The following KIAA1549 variants were observed in gnomAD, a reference collection of about 807,000 sequenced individuals.
KIAA1549 encodes the protein UPF0606 protein KIAA1549.
Under a neutral mutation model 156.4 loss-of-function variants are expected in KIAA1549, and 70 were observed. That is an observed-to-expected ratio of 0.45 (90% confidence interval 0.37 to 0.55). KIAA1549 has a LOEUF of 0.55. Ranked by LOEUF, KIAA1549 falls within the 20% of genes least tolerant of loss-of-function variation. KIAA1549 has a pLI of 0.00. For missense variants in KIAA1549, 2,428 were observed against 2,540.9 expected (o/e 0.96, Z 0.96); for synonymous variants, 1,103 against 1,066.4 (o/e 1.03, Z -0.67).
In KIAA1549 at chr7:138,846,543, A is replaced by G. The variant is rs1358300588; in HGVS notation, c.5295-2069T>C. 3.3e-5 allele frequency among the ~76,000 whole-genome samples: 5 copies of G among 151,320 alleles called. No homozygotes were observed. In the South Asian group the frequency reaches 8.3e-4, roughly 25 times the overall value. Reference sequence around the variant, plus strand: ...AGCAAGACTCCATCTCAAAAAAAAAAAAAAAAAAAAAAAAGACGACGACTA... The same window carrying G: ...AGCAAGACTCCATCTCAAAAAAAAAGAAAAAAAAAAAAAAGACGACGACTA... On this transcript the variant is annotated intron_variant, in intron 17 of 19. Coordinates refer to ENST00000422774, the MANE Select transcript of KIAA1549 (RefSeq NM_001164665.2).
intron 15 of KIAA1549, 118 bp from the exon 16 acceptor site, chr7:138,861,574 T>G (rs1219795963): frequency 3.6e-6 from 3 of 844,248 alleles, no homozygotes; most frequent in Non-Finnish European, 5.7e-6. Flanking sequence ...CAGTTGAGGC[T>G]GTGCACAGTG....
At chr7:138,965,501 A>G (rs962472634) in intron 1 of KIAA1549, among the ~76,000 whole-genome samples, 3 of 152,174 alleles carry the variant, frequency 2.0e-5, no homozygotes, top group Admixed American at 1.3e-4. Context: ...ACGTTTTCTT[A>G]TAACATTGAA....
At chr7:138,945,111 T>C (rs1311922546) in intron 1 of KIAA1549, among the ~76,000 whole-genome samples, 1 of 152,244 alleles carries the variant, frequency 6.6e-6, no homozygotes, top group African/African-American at 2.4e-5. Context: ...GAAGCTGTTA[T>C]TTTTCTAAAG....
At chr7:138,840,768 T>C (rs977139097) in intron 18 of KIAA1549, among the ~76,000 whole-genome samples, 13 of 152,088 alleles carry the variant, frequency 8.5e-5, no homozygotes, top group African/African-American at 2.9e-4. Flanking sequence ...CGGGCTCCTC[T>C]CCTGAAACAC....
chr7:138,904,462 CT>C (rs981295672), intron 7 of KIAA1549, among the ~76,000 whole-genome samples: 10 of 152,212 alleles, frequency 6.6e-5, no homozygotes, highest in African/African-American at 2.4e-4. Context: ...GCAACTATCA[CT>C]ACCCCACATG....
intron 14 of KIAA1549, among the ~76,000 whole-genome samples, chr7:138,869,311 G>A (rs987544679): frequency 1.3e-5 from 2 of 152,210 alleles, no homozygotes; most frequent in African/African-American, 2.4e-5. Flanking sequence ...CAAAGCCAAC[G>A]CCTCCCACAC....
rs764841633 is a variant in KIAA1549 at position 138,861,454 on chromosome 7, C to T, written c.4932G>A (p.Ser1644=). ...VHNSAYIGCP[S]DPDLPADVQT... ...GCACATCGGCTGGGAGGTCAGGATC[C>T]GACTACAATGAGAAATGGCAAAGGA... The change falls in exon 16 of 20, where the codon TCG becomes TCA. Residue 1644 remains serine (S), a splice_region_variant and synonymous_variant. Transcript: ENST00000422774. The T allele has an allele frequency of 2.2e-5, 35 of 1,605,788 alleles. No individual in the cohort carries two copies. The highest frequency in any genetic ancestry group is 6.7e-5 in the African/African-American group (5 of 74,770).
chr7:138,917,999 C>G lies in KIAA1549; in HGVS notation c.1627G>C (p.Val543Leu), dbSNP rs1812398093. Residue 543 changes from valine to leucine, a missense_variant, in exon 2 of 20, where the codon GTT becomes CTT. Physicochemically the swap from Val to Leu is conservative, Grantham distance 32 (BLOSUM62 1). Transcript: ENST00000422774. ...GATGGCGTCACTTGGGTTTCAGCAA[C>G]AGACAAGGAGCCAGCAGTAGGATCA... ...SLDPTAGSLS[V>L]AETQVTPSSV... is the part of the protein sequence containing the mutation. 1 of 1,600,324 alleles carries G rather than the reference C, an allele frequency of 6.2e-7. No homozygotes were observed. Among genetic ancestry groups the G allele is most frequent in the Admixed American group, 1.8e-5 (1 of 57,064 alleles).
chr7:138,956,213 C>T (rs772363021), intron 1 of KIAA1549, among the ~76,000 whole-genome samples: 1 of 152,094 alleles, frequency 6.6e-6, no homozygotes, highest in Non-Finnish European at 1.5e-5. Flanking sequence ...GTTCATGGAA[C>T]AGGTCTGGAA....
intron 12 of KIAA1549, among the ~76,000 whole-genome samples, chr7:138,872,069 T>A (rs1810952527): frequency 6.6e-6 from 1 of 152,138 alleles, no homozygotes; most frequent in Non-Finnish European, 1.5e-5. Context: ...GCCTCCTGAG[T>A]AGCTGGAATT....
At chr7:138,943,683 A>G (rs1813254913) in intron 1 of KIAA1549, among the ~76,000 whole-genome samples, 1 of 152,088 alleles carries the variant, frequency 6.6e-6, no homozygotes, top group Non-Finnish European at 1.5e-5. Context: ...CCCCGTCTCT[A>G]CTAAAAATAC....
intron 6 of KIAA1549, among the ~76,000 whole-genome samples, chr7:138,905,533 T>C (rs1811982137): frequency 6.6e-6 from 1 of 152,258 alleles, no homozygotes; most frequent in Non-Finnish European, 1.5e-5. Flanking sequence ...CGGCTCTTTG[T>C]AAATAACAGC....
chr7:138,954,141 A>G (rs1268967365), intron 1 of KIAA1549, among the ~76,000 whole-genome samples: 1 of 149,990 alleles, frequency 6.7e-6, no homozygotes, highest in Non-Finnish European at 1.5e-5. Context: ...AACAACAGCA[A>G]ATAAATATAC....
At chr7:138,948,994 C>T (rs1813413752) in intron 1 of KIAA1549, among the ~76,000 whole-genome samples, 2 of 151,996 alleles carry the variant, frequency 1.3e-5, no homozygotes, top group African/African-American at 2.4e-5. Context: ...TGTGAGCCAC[C>T]GCGCCCGGCC....
At chr7:138,869,466 T>C (rs983708808) in intron 14 of KIAA1549, 72 bp downstream of exon 14, 4 of 1,200,148 alleles carry the variant, frequency 3.3e-6, no homozygotes, top group Non-Finnish European at 3.6e-6. Context: ...GAGGGGCTCC[T>C]GTCCTGCTCC....
At chr7:138,966,335 G>T (rs1162981636) in intron 1 of KIAA1549, among the ~76,000 whole-genome samples, 2 of 152,098 alleles carry the variant, frequency 1.3e-5, no homozygotes, top group African/African-American at 4.8e-5. Context: ...ACTGCCATGA[G>T]CCAGGAACCA....
chr7:138,844,312 T>G lies in KIAA1549; in HGVS notation c.5452+5A>C. The G allele has an allele frequency of 6.2e-7, 1 of 1,613,934 alleles. No individual in the cohort carries two copies. Among genetic ancestry groups the G allele is most frequent in the Non-Finnish European group, 8.5e-7 (1 of 1,179,870 alleles). On this transcript the variant is annotated splice_donor_5th_base_variant and intron_variant, in intron 18 of 19. Coordinates refer to ENST00000422774, the MANE Select transcript of KIAA1549 (RefSeq NM_001164665.2). ...CAGAAATGGAAGCTAAACAGCCACA[T>G]ATACCTGTGGTACCCCCGACAGGCC...
At position 138,833,386 on chromosome 7, in the gene KIAA1549, G is replaced by C. The variant is rs1809597652; in HGVS notation, c.*4520C>G. The C allele has an allele frequency of 4.3e-6, 1 of 232,468 alleles. No homozygotes were observed. Among genetic ancestry groups the C allele is most frequent in the Non-Finnish European group, 8.5e-6 (1 of 117,634 alleles). 14.4% of individuals were successfully genotyped at this position (232,468 alleles called of 1,614,324 possible). On this transcript the variant is annotated 3_prime_UTR_variant, in exon 20 of 20. Coordinates refer to ENST00000422774, the MANE Select transcript of KIAA1549 (RefSeq NM_001164665.2). ...ACTGGCTTGGTCACTGGAACACTTAGAAAAAAGTTGTGCGAAAGAAGGAAC... is the reference window on the plus strand; with the variant it reads ...ACTGGCTTGGTCACTGGAACACTTACAAAAAAGTTGTGCGAAAGAAGGAAC...
At position 138,869,678 on chromosome 7, in the gene KIAA1549, G is replaced by A. The variant is rs746511422; in HGVS notation, c.4635C>T (p.Tyr1545=). 6.2e-6 allele frequency: 10 copies of A among 1,612,250 alleles called. No homozygotes were observed. Among genetic ancestry groups the A allele is most frequent in the East Asian group, 2.2e-5 (1 of 44,868 alleles). ...ACAGGTCGTCTACCACCGGGAACTC[G>A]TAGTGCCCGCGGCGCTTGGCGCGCA... ...IRLRAKRRGH[Y]EFPVVDDLSS... Residue 1545 remains tyrosine, a synonymous_variant, in exon 14 of 20, where the codon TAC becomes TAT. Coordinates refer to ENST00000422774, the MANE Select transcript of KIAA1549 (RefSeq NM_001164665.2).
Sources: allele counts gnomAD v4.1 joint callset (sites outside exome capture counted in the v4.1 genomes callset), GRCh38; gene constraint gnomAD v4.1.1; transcripts MANE v1.5; gene names NCBI Gene and HGNC (gene_info 2026-07-23, HGNC 2026-07-21).